RIMS4: variants seen among roughly 807,000 people sequenced by gnomAD.
RIMS4 encodes the protein regulating synaptic membrane exocytosis protein 4.
RIMS4 carries 9 observed loss-of-function variants against 29.0 expected under a neutral mutation model. That is an observed-to-expected ratio of 0.31 (90% CI 0.19 to 0.54). The LOEUF (loss-of-function observed/expected upper bound fraction) is 0.54, where lower values mean the gene tolerates loss of function less well. Among genes scored for constraint, RIMS4 ranks in the 20% least tolerant of loss-of-function variants. RIMS4 has a pLI of 0.94. For missense variants in RIMS4, 193 were observed against 365.7 expected (o/e 0.53, Z 3.85); for synonymous variants, 130 against 152.9 (o/e 0.85, Z 1.10).
chr20:44,788,570 C>G (rs145358230), intron 1 of RIMS4, among the ~76,000 whole-genome samples: 1 of 151,964 alleles, frequency 6.6e-6, no homozygotes, highest in African/African-American at 2.4e-5. Context: ...CCCAGGAGTT[C>G]GAGACCAGCC....
intron 2 of RIMS4, among the ~76,000 whole-genome samples, chr20:44,768,727 A>C (rs1029456234): frequency 1.3e-5 from 2 of 152,084 alleles, no homozygotes; most frequent in African/African-American, 4.8e-5. Context: ...GGCTCAGAAC[A>C]CCCACCTCAA....
At chr20:44,801,535 T>C (rs2066277209) in intron 1 of RIMS4, among the ~76,000 whole-genome samples, 1 of 152,172 alleles carries the variant, frequency 6.6e-6, no homozygotes, top group African/African-American at 2.4e-5. Flanking sequence ...TTTTAACACA[T>C]AGCCCTCCCT....
At chr20:44,788,974 A>G (rs2066220842) in intron 1 of RIMS4, among the ~76,000 whole-genome samples, 1 of 152,080 alleles carries the variant, frequency 6.6e-6, no homozygotes, top group Non-Finnish European at 1.5e-5. Flanking sequence ...ATAATAATAA[A>G]TTACTATGAA....
In RIMS4 at chr20:44,752,689, G is replaced by C. The variant is rs1464673975; in HGVS notation, c.*3445C>G. On this transcript the variant is annotated 3_prime_UTR_variant, in exon 6 of 6. Coordinates refer to ENST00000372851, the MANE Select transcript of RIMS4 (RefSeq NM_182970.4). ...AAAGTCTGAAAAGCACAACAGGAAG[G>C]CCAGGTCTCACTGCATCTGAAGGTT... The C allele has an allele frequency of 6.6e-6, 1 of 152,498 alleles. No homozygotes were observed. Among genetic ancestry groups the C allele is most frequent in the East Asian group, 1.9e-4 (1 of 5,198 alleles). The allele number at this position is 152,498 out of a possible 1,614,324, so 9.4% of individuals were successfully genotyped here.
Position 44,771,510 on chromosome 20 carries a change from G to C in RIMS4, c.98-97C>G. ...CTGGTTAGCAGTGTTTCAGCAGCTG[G>C]GGGCTGTCCAGCTTCAGCCTCCACC... On this transcript the variant is annotated intron_variant, in intron 1 of 5. Coordinates refer to ENST00000372851, the MANE Select transcript of RIMS4 (RefSeq NM_182970.4). 2.9e-6 allele frequency: 4 copies of C among 1,390,726 alleles called. No homozygotes were observed. In the South Asian group the frequency reaches 5.4e-5, roughly 19 times the overall value. 86.1% of individuals were successfully genotyped at this position (1,390,726 alleles called of 1,614,324 possible). A position where few individuals can be genotyped will look rare whatever the true frequency, so the allele number is the denominator to read the frequency against.
intron 1 of RIMS4, among the ~76,000 whole-genome samples, chr20:44,792,890 G>C (rs66572588): frequency 0.1 from 15,445 of 152,146 alleles, 1,170 homozygotes; most frequent in African/African-American, 0.21. Context: ...CTCCCGGACA[G>C]AGTGCTCCCT....
intron 1 of RIMS4, among the ~76,000 whole-genome samples, chr20:44,809,166 T>C (rs1484817428): frequency 6.6e-6 from 1 of 152,112 alleles, no homozygotes; most frequent in Non-Finnish European, 1.5e-5. Flanking sequence ...GTGGCATGAC[T>C]TGCCCAAGGT....
rs1193054313 is a variant in RIMS4 at position 44,752,679 on chromosome 20, C to T, written c.*3455G>A. On this transcript the variant is annotated 3_prime_UTR_variant, in exon 6 of 6. Coordinates refer to ENST00000372851, the MANE Select transcript of RIMS4 (RefSeq NM_182970.4). ...TTCTGAAAACAAAGTCTGAAAAGCA[C>T]AACAGGAAGGCCAGGTCTCACTGCA... The T allele has an allele frequency of 6.6e-6, 1 of 152,480 alleles. No homozygotes were observed. The highest frequency in any genetic ancestry group is 1.5e-5 in the Non-Finnish European group (1 of 68,248). The allele number at this position is 152,480 out of a possible 1,614,324, so 9.4% of individuals were successfully genotyped here.
chr20:44,807,418 C>G (rs952277421), intron 1 of RIMS4, among the ~76,000 whole-genome samples: 3 of 152,184 alleles, frequency 2.0e-5, no homozygotes, highest in African/African-American at 7.2e-5. Context: ...CAACTAAACT[C>G]TGAAGATGGC....
At chr20:44,766,505 T>G (rs1419204513) in intron 2 of RIMS4, among the ~76,000 whole-genome samples, 1 of 152,054 alleles carries the variant, frequency 6.6e-6, no homozygotes, top group Non-Finnish European at 1.5e-5. Flanking sequence ...AAGTGCTGGG[T>G]GGCAAACTGT....
intron 1 of RIMS4, among the ~76,000 whole-genome samples, chr20:44,783,341 G>T (rs1395319008): frequency 6.6e-6 from 1 of 152,144 alleles, no homozygotes; most frequent in East Asian, 1.9e-4. Context: ...TGCAGTACTG[G>T]GCCGGGCATG....
At chr20:44,789,727 T>C (rs1368643725) in intron 1 of RIMS4, among the ~76,000 whole-genome samples, 1 of 152,158 alleles carries the variant, frequency 6.6e-6, no homozygotes, top group African/African-American at 2.4e-5. Context: ...GGCTGAGTTT[T>C]ATTTATTATA....
At chr20:44,777,222 G>T (rs2066164078) in intron 1 of RIMS4, among the ~76,000 whole-genome samples, 1 of 152,150 alleles carries the variant, frequency 6.6e-6, no homozygotes, top group South Asian at 2.1e-4. Context: ...CATCCCCACT[G>T]AAAGTGTGTT....
chr20:44,790,472 CCT>C (rs2066228154), intron 1 of RIMS4, among the ~76,000 whole-genome samples: 4 of 152,186 alleles, frequency 2.6e-5, no homozygotes, highest in Admixed American at 2.6e-4. Context: ...GGAAGCCTCC[CCT>C]GATTCCCAGA....
At chr20:44,807,256 A>C (rs931622071) in intron 1 of RIMS4, among the ~76,000 whole-genome samples, 18 of 152,224 alleles carry the variant, frequency 1.2e-4, no homozygotes, top group Non-Finnish European at 2.5e-4. Flanking sequence ...ACGGCGGGCT[A>C]GAAAGAGGTG....
intron 1 of RIMS4, 83 bp downstream of exon 1, chr20:44,810,092 G>A: frequency 1.4e-6 from 1 of 690,484 alleles, no homozygotes. Context: ...GGGTGGGGAG[G>A]AGGGCGCACG....
At chr20:44,805,566 G>A (rs936369949) in intron 1 of RIMS4, among the ~76,000 whole-genome samples, 9 of 152,094 alleles carry the variant, frequency 5.9e-5, no homozygotes, top group Non-Finnish European at 1.2e-4. Context: ...ATGCCTCCAC[G>A]TGGTCCTGAC....
chr20:44,807,994 G>A (rs1249566581), intron 1 of RIMS4, among the ~76,000 whole-genome samples: 2 of 151,940 alleles, frequency 1.3e-5, no homozygotes, highest in Non-Finnish European at 2.9e-5. Flanking sequence ...AGGGCTACTG[G>A]TTTAATGGAA....
intron 1 of RIMS4, among the ~76,000 whole-genome samples, chr20:44,788,440 T>C (rs2066218251): frequency 6.6e-6 from 1 of 152,160 alleles, no homozygotes; most frequent in African/African-American, 2.4e-5. Context: ...CAGGGGCTAC[T>C]AGAAATTAGA....
Sources: gnomAD v4.1 joint callset for allele counts (sites outside exome capture counted in the v4.1 genomes callset) on GRCh38, gnomAD v4.1.1 for gene constraint, MANE v1.5 for transcripts, NCBI Gene and HGNC (gene_info 2026-07-23, HGNC 2026-07-21) for gene names.